PCDHGA4: variants seen among roughly 807,000 people sequenced by gnomAD.
PCDHGA4 encodes protocadherin gamma-A4.
A neutral mutation model predicts 54.6 loss-of-function variants in PCDHGA4; 38 were observed. The observed-to-expected ratio is 0.70, with a 90% CI of 0.54 to 0.91. PCDHGA4 has a LOEUF of 0.91. Among genes scored for constraint, PCDHGA4 ranks in the 40% least tolerant of loss-of-function variants. PCDHGA4 has a pLI of 0.00. For missense variants in PCDHGA4, 1,298 were observed against 1,220.9 expected, an observed-to-expected ratio of 1.06 and a Z score of -0.94; for synonymous variants, 511 against 512.9, an observed-to-expected ratio of 1.00 and a Z score of 0.05.
At chr5:141,388,877 G>A in intron 1 of PCDHGA4, 1 of 1,613,936 alleles carries the variant, frequency 6.2e-7, no homozygotes, top group Non-Finnish European at 8.5e-7. Flanking sequence ...AATGCACAGT[G>A]GAGGTAGAAG....
intron 1 of PCDHGA4, chr5:141,421,627 T>C: frequency 6.2e-7 from 1 of 1,613,846 alleles, no homozygotes; most frequent in Non-Finnish European, 8.5e-7. Context: ...CGCCCCCAGC[T>C]TCCAGGAGGA....
intron 1 of PCDHGA4, chr5:141,394,897 T>C (rs773335725): frequency 3.1e-6 from 5 of 1,613,682 alleles, no homozygotes; most frequent in Non-Finnish European, 4.2e-6. Flanking sequence ...TATCTCGTGG[T>C]GGCAGTGGCT....
rs1024041994 is a variant in PCDHGA4 at position 141,409,578 on chromosome 5, T to C, written c.2514+51957T>C. The C allele has an allele frequency of 3.1e-6, 5 of 1,613,824 alleles. No individual in the cohort carries two copies. In the Admixed American group the frequency reaches 6.7e-5, roughly 22 times the overall value. On this transcript the variant is annotated intron_variant, in intron 1 of 3. Coordinates refer to ENST00000571252, the MANE Select transcript of PCDHGA4 (RefSeq NM_018917.4). Reference sequence around the variant, plus strand: ...GTTTTCGACCAGACGTCCTACGTGGTCCACGTGGCCGAGAACAACCCGCCA... The same window carrying C: ...GTTTTCGACCAGACGTCCTACGTGGCCCACGTGGCCGAGAACAACCCGCCA...
At chr5:141,492,240 C>T (rs1031016944) in intron 1 of PCDHGA4, among the ~76,000 whole-genome samples, 1 of 152,242 alleles carries the variant, frequency 6.6e-6, no homozygotes, top group African/African-American at 2.4e-5. Flanking sequence ...CTGCTGGCCA[C>T]CCCCACGGCC....
In PCDHGA4 at chr5:141,443,329, A is replaced by AC. The variant is rs58846402; in HGVS notation, c.2515-51477dup. 1.9e-4 allele frequency among the ~76,000 whole-genome samples: 29 copies of AC among 151,590 alleles called. No individual in the cohort carries two copies. In the East Asian group the frequency reaches 4.3e-3, roughly 22 times the overall value. ...AAACCCATCTCTACAAAAAAAAAAA[A>AC]CAAAAATTAACAAGGTTTAGTGGTC... On this transcript the variant is annotated intron_variant, in intron 1 of 3. Coordinates refer to ENST00000571252, the MANE Select transcript of PCDHGA4 (RefSeq NM_018917.4).
chr5:141,392,081 T>A lies in PCDHGA4; in HGVS notation c.2514+34460T>A, dbSNP rs376097159. 3.3e-5 allele frequency: 5 copies of A among 152,350 alleles called. No individual in the cohort carries two copies. In the East Asian group the frequency reaches 7.7e-4, roughly 23 times the overall value. The allele number at this position is 152,350 out of a possible 1,614,324, so 9.4% of individuals were successfully genotyped here. A position where few individuals can be genotyped will look rare whatever the true frequency, so the allele number is the denominator to read the frequency against. On this transcript the variant is annotated intron_variant, in intron 1 of 3. Coordinates refer to ENST00000571252, the MANE Select transcript of PCDHGA4 (RefSeq NM_018917.4). ...TATCGACATGTAATTCAAGTGGCAT[T>A]TAGAAGAATAATTTAAAAGCAACAA...
intron 1 of PCDHGA4, 45 bp downstream of exon 1, chr5:141,357,666 A>G (rs1478472346): frequency 1.9e-6 from 3 of 1,600,280 alleles, no homozygotes; most frequent in South Asian, 1.1e-5. Context: ...AAATATAGAC[A>G]AAGAGTTGTG....
chr5:141,364,618 C>A (rs373148081), intron 1 of PCDHGA4: 2 of 1,614,140 alleles, frequency 1.2e-6, no homozygotes, highest in South Asian at 1.1e-5. Flanking sequence ...AGGAGCTCTG[C>A]GCTCAGAGCC....
chr5:141,409,341 G>C, intron 1 of PCDHGA4: 1 of 1,613,976 alleles, frequency 6.2e-7, no homozygotes, highest in Non-Finnish European at 8.5e-7. Flanking sequence ...GGAGGAAATG[G>C]AGAAGTCAGG....
intron 1 of PCDHGA4, chr5:141,388,992 C>A: frequency 6.2e-7 from 1 of 1,613,952 alleles, no homozygotes; most frequent in Non-Finnish European, 8.5e-7. Flanking sequence ...GCTCAAAGTC[C>A]GTGACAAGGA....
Position 141,431,474 on chromosome 5 carries a change from G to C in PCDHGA4, c.2515-63333G>C. On this transcript the variant is annotated intron_variant, in intron 1 of 3. Coordinates refer to ENST00000571252, the MANE Select transcript of PCDHGA4 (RefSeq NM_018917.4). The surrounding 1 kb of genome is among the most constrained non-coding windows in gnomAD (Gnocchi z 4.8). The stretch of plus-strand genomic sequence containing the variant: ...GATGGTTCTGGATGCGAACGACAAC[G>C]CACCAGCGTTTGCTCAGCCCGAGTA... 6.2e-7 allele frequency: 1 copy of C among 1,613,842 alleles called. No individual in the cohort carries two copies. The highest frequency in any genetic ancestry group is 8.5e-7 in the Non-Finnish European group (1 of 1,179,958).
chr5:141,366,469 G>C (rs575828819), intron 1 of PCDHGA4: 2 of 1,614,256 alleles, frequency 1.2e-6, no homozygotes, highest in Non-Finnish European at 1.7e-6. Flanking sequence ...TGCTGCTGGT[G>C]CTCAGACTGA....
chr5:141,489,793 C>G lies in PCDHGA4; in HGVS notation c.2515-5014C>G. On this transcript the variant is annotated intron_variant, in intron 1 of 3. Transcript: ENST00000571252. This position sits in a 1 kb window ranked among gnomAD's most constrained non-coding sequence, Gnocchi z 4.5. ...CCACTTCTCTCTGAATGTGAAGACC[C>G]TAAAAGATGGGAAGCCATTCCCAGA... 1 of 1,614,160 alleles carries G rather than the reference C, an allele frequency of 6.2e-7. No individual in the cohort carries two copies. The highest frequency in any genetic ancestry group is 1.1e-5 in the South Asian group (1 of 91,078).
chr5:141,487,798 G>A lies in PCDHGA4; in HGVS notation c.2515-7009G>A, dbSNP rs1197016007. 6.7e-7 allele frequency: 1 copy of A among 1,498,792 alleles called. No homozygotes were observed. Among genetic ancestry groups the A allele is most frequent in the South Asian group, 1.3e-5 (1 of 78,368 alleles). 92.8% of individuals were successfully genotyped at this position (1,498,792 alleles called of 1,614,324 possible). On this transcript the variant is annotated intron_variant, in intron 1 of 3. Coordinates refer to ENST00000571252, the MANE Select transcript of PCDHGA4 (RefSeq NM_018917.4). The surrounding 1 kb of genome is among the most constrained non-coding windows in gnomAD (Gnocchi z 5.0). ...ACTGTTTCGTGAATTAACCAGAGTT[G>A]TCACAGTTTAGCATTGGGGGCGGGT...
chr5:141,418,497 CCG>C, intron 1 of PCDHGA4: 1 of 1,613,994 alleles, frequency 6.2e-7, no homozygotes, highest in Non-Finnish European at 8.5e-7. Flanking sequence ...TTGGTACTGA[CCG>C]CCTTAGATGG....
At chr5:141,397,920 T>C (rs2093586320) in intron 1 of PCDHGA4, 1 of 726,984 alleles carries the variant, frequency 1.4e-6, no homozygotes, top group Non-Finnish European at 2.2e-6. Context: ...CCAGATCTCC[T>C]CGCGCAGCCG....
chr5:141,410,318 G>C, intron 1 of PCDHGA4: 6 of 1,613,982 alleles, frequency 3.7e-6, no homozygotes, highest in Non-Finnish European at 5.1e-6. Context: ...CTTCCTCCTC[G>C]CCGTGATTCT....
At chr5:141,391,324 T>C (rs1246568740) in intron 1 of PCDHGA4, 2 of 151,644 alleles carry the variant, frequency 1.3e-5, no homozygotes, top group Non-Finnish European at 2.9e-5. Context: ...TTTCTTTTTT[T>C]TTTTTTGAGA....
At chr5:141,394,938 G>T (rs367656720) in intron 1 of PCDHGA4, 1 of 1,613,662 alleles carries the variant, frequency 6.2e-7, no homozygotes, top group Non-Finnish European at 8.5e-7. Context: ...CGCCTTTGTC[G>T]CTGTGCTTCT....
Sources: gnomAD v4.1 joint callset for allele counts (sites outside exome capture counted in the v4.1 genomes callset) on GRCh38, gnomAD v4.1.1 for gene constraint, Gnocchi (gnomAD v3.1) non-coding constraint, MANE v1.5 for transcripts, NCBI Gene and HGNC (gene_info 2026-07-23, HGNC 2026-07-21) for gene names.